Variants in KALRN observed in about 807,000 individuals in gnomAD.
KALRN encodes kalirin RhoGEF kinase.
KALRN carries 70 observed loss-of-function variants against 353.7 expected under a neutral mutation model. The ratio of observed to expected loss-of-function variants is 0.20; its 90% CI spans 0.16 to 0.24. The LOEUF (loss-of-function observed/expected upper bound fraction) is 0.24, where lower values mean the gene tolerates loss of function less well. KALRN is among the 10% of genes least tolerant of loss of function. KALRN has a pLI of 1.00. For missense variants in KALRN, 2,791 were observed against 3,756.7 expected (o/e 0.74, Z 6.72); for synonymous variants, 1,391 against 1,434.8 (o/e 0.97, Z 0.69).
chr3:124,547,629 A>G (rs2069861322), intron 33 of KALRN, among the ~76,000 whole-genome samples: 1 of 152,160 alleles, frequency 6.6e-6, no homozygotes, highest in Non-Finnish European at 1.5e-5. Flanking sequence ...GACTGTCTCT[A>G]GATTGGAATC....
At chr3:124,387,772 A>G (rs994771821) in intron 11 of KALRN, among the ~76,000 whole-genome samples, 3 of 152,158 alleles carry the variant, frequency 2.0e-5, no homozygotes, top group Non-Finnish European at 2.9e-5. Context: ...ATTCTATTCA[A>G]GACATCTACA....
intron 1 of KALRN, among the ~76,000 whole-genome samples, chr3:124,191,609 C>T (rs1190469275): frequency 1.3e-5 from 2 of 152,050 alleles, no homozygotes; most frequent in Non-Finnish European, 2.9e-5. Flanking sequence ...TTTTTAATAC[C>T]ATATCTGATG....
intron 2 of KALRN, among the ~76,000 whole-genome samples, chr3:124,233,378 A>T (rs986525251): frequency 3.9e-5 from 6 of 152,182 alleles, no homozygotes; most frequent in Admixed American, 6.5e-5. Flanking sequence ...ACCATTTCCA[A>T]GGCAGATGAG....
chr3:124,372,392 G>C (rs2085957438), intron 10 of KALRN, among the ~76,000 whole-genome samples: 1 of 151,990 alleles, frequency 6.6e-6, no homozygotes, highest in Admixed American at 6.6e-5. Flanking sequence ...AGAATACTAA[G>C]ATTGTTTTGC....
chr3:124,298,788 T>C lies in KALRN; in HGVS notation c.970-3T>C. 1.2e-6 allele frequency: 2 copies of C among 1,614,154 alleles called. No homozygotes were observed. Among genetic ancestry groups the C allele is most frequent in the Non-Finnish European group, 1.7e-6 (2 of 1,179,990 alleles). ...TTATGCTGTGCCTTCTTGTCCTCTC[T>C]AGATGTTTGACTGGATAAGCCACAA... On this transcript the variant is annotated splice_region_variant and splice_polypyrimidine_tract_variant and intron_variant, in intron 5 of 59. Coordinates refer to ENST00000682506, the MANE Select transcript of KALRN (RefSeq NM_001388419.1).
At chr3:124,646,315 G>A (rs1314567231) in intron 37 of KALRN, among the ~76,000 whole-genome samples, 3 of 151,460 alleles carry the variant, frequency 2.0e-5, no homozygotes, top group Admixed American at 2.0e-4. Context: ...CTCCTCCCTG[G>A]ACTGTTGGAA....
intron 6 of KALRN, among the ~76,000 whole-genome samples, chr3:124,302,376 G>C (rs1050328858): frequency 1.3e-5 from 2 of 152,288 alleles, no homozygotes. Context: ...TGAGGGGGTG[G>C]TCAGGTCAGG....
intron 34 of KALRN, among the ~76,000 whole-genome samples, chr3:124,602,736 G>T (rs1449684541): frequency 6.6e-6 from 1 of 152,140 alleles, no homozygotes; most frequent in Non-Finnish European, 1.5e-5. Context: ...GATAGGAATG[G>T]AATATCCATG....
At chr3:124,074,423 C>G (rs1403809080) in intron 1 of KALRN, among the ~76,000 whole-genome samples, 1 of 152,226 alleles carries the variant, frequency 6.6e-6, no homozygotes, top group Admixed American at 6.5e-5. Flanking sequence ...CTATGATAGT[C>G]TAGTCAGAAG....
chr3:124,365,036 C>A (rs2084494252), intron 10 of KALRN, among the ~76,000 whole-genome samples: 1 of 152,142 alleles, frequency 6.6e-6, no homozygotes, highest in African/African-American at 2.4e-5. Flanking sequence ...ACTCCTTTAC[C>A]AAGTATGACC....
At chr3:124,192,661 A>AC (rs2075051330) in intron 1 of KALRN, among the ~76,000 whole-genome samples, 1 of 152,278 alleles carries the variant, frequency 6.6e-6, no homozygotes, top group Admixed American at 6.5e-5. Flanking sequence ...CCTACTATGT[A>AC]CCCACAAAAA....
At chr3:124,129,402 TC>T (rs1254620625) in intron 1 of KALRN, among the ~76,000 whole-genome samples, 1 of 152,194 alleles carries the variant, frequency 6.6e-6, no homozygotes. Context: ...TGACTCATAC[TC>T]CAGTTTGCAC....
chr3:124,248,752 TA>T (rs1344088309), intron 3 of KALRN, among the ~76,000 whole-genome samples: 1 of 152,224 alleles, frequency 6.6e-6, no homozygotes, highest in East Asian at 1.9e-4. Context: ...TGAGAGCTAC[TA>T]AAAAACTCTA....
chr3:124,406,610 A>G (rs1476075665), intron 13 of KALRN, among the ~76,000 whole-genome samples: 1 of 152,198 alleles, frequency 6.6e-6, no homozygotes. Flanking sequence ...ATGGCATCCC[A>G]TCACAGTGAA....
intron 36 of KALRN, 28 bp from the exon 37 acceptor site, chr3:124,637,180 T>G (rs951472305): frequency 1.9e-6 from 3 of 1,564,658 alleles, no homozygotes; most frequent in Non-Finnish European, 2.6e-6. Flanking sequence ...GCTAATCTGC[T>G]TTTCCTCTGC....
At chr3:124,212,729 G>T (rs1248467241) in intron 1 of KALRN, among the ~76,000 whole-genome samples, 1 of 152,038 alleles carries the variant, frequency 6.6e-6, no homozygotes, top group East Asian at 1.9e-4. Flanking sequence ...GCACTAATGG[G>T]GTTATAGGCA....
chr3:124,682,573 C>A (rs932963193), intron 51 of KALRN, among the ~76,000 whole-genome samples: 2 of 152,128 alleles, frequency 1.3e-5, no homozygotes, highest in African/African-American at 4.8e-5. Context: ...ATGATGTCAC[C>A]AAAACATTCT....
At chr3:124,595,000 A>G (rs942790983) in intron 34 of KALRN, among the ~76,000 whole-genome samples, 7 of 151,452 alleles carry the variant, frequency 4.6e-5, no homozygotes, top group African/African-American at 1.7e-4. Flanking sequence ...TTTTTGAGAT[A>G]TACCATGGGA....
At chr3:124,611,136 T>C (rs1440704436) in intron 34 of KALRN, among the ~76,000 whole-genome samples, 2 of 152,170 alleles carry the variant, frequency 1.3e-5, no homozygotes, top group Non-Finnish European at 1.5e-5. Context: ...TAGTTCTCAA[T>C]AGGGTATCAG....
Sources: gnomAD v4.1 joint callset for allele counts (sites outside exome capture counted in the v4.1 genomes callset) on GRCh38, gnomAD v4.1.1 for gene constraint, MANE v1.5 for transcripts, NCBI Gene and HGNC (gene_info 2026-07-23, HGNC 2026-07-21) for gene names.